CLIC4: variants seen among roughly 807,000 people sequenced by gnomAD.
The protein encoded by CLIC4 is chloride intracellular channel protein 4.
A neutral mutation model predicts 24.6 loss-of-function variants in CLIC4; 13 were observed. That is an observed-to-expected ratio of 0.53 (90% CI 0.34 to 0.84). The LOEUF (loss-of-function observed/expected upper bound fraction) is 0.84, where lower values mean the gene tolerates loss of function less well. Ranked by LOEUF, CLIC4 falls within the 40% of genes least tolerant of loss-of-function variation. The probability of loss-of-function intolerance (pLI) is 0.01; values close to 1 mark genes in which losing one functional copy is unlikely to be tolerated. For synonymous variants in CLIC4, 104 were observed against 111.3 expected, an observed-to-expected ratio of 0.93 and a Z score of 0.41; for missense variants, 227 against 301.7, an observed-to-expected ratio of 0.75 and a Z score of 1.83.
chr1:24,824,860 G>C (rs1366923622), intron 3 of CLIC4, among the ~76,000 whole-genome samples: 1 of 151,928 alleles, frequency 6.6e-6, no homozygotes, highest in Non-Finnish European at 1.5e-5. Context: ...AGCTAGCCAA[G>C]TGTGGTGGCA....
intron 1 of CLIC4, among the ~76,000 whole-genome samples, chr1:24,753,331 A>C (rs1461051945): frequency 2.0e-5 from 3 of 152,244 alleles, no homozygotes; most frequent in Admixed American, 2.0e-4. Flanking sequence ...GTACTATGGA[A>C]GATATAAGAA....
intron 1 of CLIC4, among the ~76,000 whole-genome samples, chr1:24,795,956 CT>C (rs1372590554): frequency 6.6e-6 from 1 of 152,102 alleles, no homozygotes; most frequent in African/African-American, 2.4e-5. Flanking sequence ...AGAATACTGT[CT>C]GATAGAATGA....
chr1:24,836,558 C>T lies in CLIC4; in HGVS notation c.416-3302C>T, dbSNP rs987122726. Among the ~76,000 whole-genome samples, 8 of 152,148 alleles carry T rather than the reference C, an allele frequency of 5.3e-5. No individual in the cohort carries two copies. The East Asian group carries it at 5.8e-4, about 11-fold the overall frequency. Reference sequence around the variant, plus strand: ...ATCAATAACAAAAGTACAGCTAGAACGGGGCACAGTGGCTCATGCCTGTAA... The same window carrying T: ...ATCAATAACAAAAGTACAGCTAGAATGGGGCACAGTGGCTCATGCCTGTAA... On this transcript the variant is annotated intron_variant, in intron 4 of 5. Coordinates refer to ENST00000374379, the MANE Select transcript of CLIC4 (RefSeq NM_013943.3).
chr1:24,803,115 A>C (rs779607760), intron 2 of CLIC4, among the ~76,000 whole-genome samples: 1 of 152,204 alleles, frequency 6.6e-6, no homozygotes, highest in African/African-American at 2.4e-5. Flanking sequence ...AAAAACAAAC[A>C]ACCCACCAGT....
chr1:24,768,322 T>C (rs1232011621), intron 1 of CLIC4, among the ~76,000 whole-genome samples: 1 of 152,214 alleles, frequency 6.6e-6, no homozygotes, highest in Non-Finnish European at 1.5e-5. Flanking sequence ...TTTGTGGTAT[T>C]CACCTTTACA....
At chr1:24,754,113 G>T (rs1335586997) in intron 1 of CLIC4, among the ~76,000 whole-genome samples, 1 of 152,194 alleles carries the variant, frequency 6.6e-6, no homozygotes, top group Non-Finnish European at 1.5e-5. Flanking sequence ...TGCCTGAGCT[G>T]TTCCTGAAGA....
At chr1:24,822,615 G>A (rs1362487057) in intron 3 of CLIC4, among the ~76,000 whole-genome samples, 3 of 152,096 alleles carry the variant, frequency 2.0e-5, no homozygotes, top group Non-Finnish European at 2.9e-5. Flanking sequence ...GGGATTACAG[G>A]TGTGAGCCAC....
chr1:24,802,445 G>T (rs947657802), intron 2 of CLIC4, among the ~76,000 whole-genome samples: 1 of 152,118 alleles, frequency 6.6e-6, no homozygotes, highest in Admixed American at 6.5e-5. Context: ...AAATATCAAA[G>T]AAGATATATG....
At chr1:24,745,660 C>T (rs1268217865) in intron 1 of CLIC4, 35 bp downstream of exon 1, 5 of 1,497,966 alleles carry the variant, frequency 3.3e-6, no homozygotes, top group East Asian at 5.5e-5. Context: ...CCCGGCAGAT[C>T]CCCCGGCTCC....
intron 3 of CLIC4, among the ~76,000 whole-genome samples, chr1:24,823,265 A>G (rs963513953): frequency 6.6e-6 from 1 of 152,146 alleles, no homozygotes; most frequent in African/African-American, 2.4e-5. Flanking sequence ...TTTAAAGTGA[A>G]CTTTTTCTTC....
chr1:24,787,126 GT>G (rs1018868819), intron 1 of CLIC4, among the ~76,000 whole-genome samples: 1 of 152,130 alleles, frequency 6.6e-6, no homozygotes, highest in African/African-American at 2.4e-5. Context: ...ATCTCACTAT[GT>G]GTTTCTCAGA....
intron 1 of CLIC4, among the ~76,000 whole-genome samples, chr1:24,790,478 C>T (rs1639320510): frequency 6.6e-6 from 1 of 152,170 alleles, no homozygotes; most frequent in African/African-American, 2.4e-5. Flanking sequence ...TCTGGAAAAA[C>T]CGAATTAGAT....
intron 1 of CLIC4, among the ~76,000 whole-genome samples, chr1:24,790,679 CTG>C (rs964136125): frequency 3.3e-5 from 5 of 152,128 alleles, no homozygotes; most frequent in African/African-American, 9.7e-5. Flanking sequence ...AGTCCTGACT[CTG>C]TTAGGCCTCC....
intron 3 of CLIC4, among the ~76,000 whole-genome samples, chr1:24,820,752 A>T (rs1022434667): frequency 3.3e-5 from 5 of 152,296 alleles, no homozygotes; most frequent in South Asian, 2.1e-4. Context: ...GTTTTAAAGT[A>T]TTGTCTGAAG....
chr1:24,804,040 T>C (rs1249525888), intron 2 of CLIC4, among the ~76,000 whole-genome samples: 1 of 152,212 alleles, frequency 6.6e-6, no homozygotes, highest in East Asian at 1.9e-4. Flanking sequence ...GATAGTTTTA[T>C]CTTCATGATC....
chr1:24,770,603 C>T (rs553318237), intron 1 of CLIC4, among the ~76,000 whole-genome samples: 1 of 152,252 alleles, frequency 6.6e-6, no homozygotes, highest in African/African-American at 2.4e-5. Flanking sequence ...AAAACAAGCA[C>T]ACAAATTTTT....
chr1:24,806,732 G>A (rs1639553839), intron 2 of CLIC4, among the ~76,000 whole-genome samples: 1 of 152,096 alleles, frequency 6.6e-6, no homozygotes, highest in Non-Finnish European at 1.5e-5. Flanking sequence ...CTGATTTCCT[G>A]CATAATGCTT....
chr1:24,755,124 T>A (rs1045036301), intron 1 of CLIC4, among the ~76,000 whole-genome samples: 1 of 150,848 alleles, frequency 6.6e-6, no homozygotes, highest in East Asian at 2.0e-4. Flanking sequence ...CTCATCTCTA[T>A]AAAAACTAAA....
intron 2 of CLIC4, among the ~76,000 whole-genome samples, chr1:24,810,002 C>A (rs1639596081): frequency 6.6e-6 from 1 of 152,128 alleles, no homozygotes; most frequent in Non-Finnish European, 1.5e-5. Flanking sequence ...TCCGTAAACC[C>A]AATTCAGTTA....
Sources: allele counts gnomAD v4.1 joint callset (sites outside exome capture counted in the v4.1 genomes callset), GRCh38; gene constraint gnomAD v4.1.1; transcripts MANE v1.5; gene names NCBI Gene and HGNC (gene_info 2026-07-23, HGNC 2026-07-21).